The following EFCAB5 variants were observed in gnomAD, a reference collection of about 807,000 sequenced individuals.
The protein encoded by EFCAB5 is EF-hand calcium-binding domain-containing protein 5.
A neutral mutation model predicts 167.9 loss-of-function variants in EFCAB5; 131 were observed. The observed-to-expected ratio is 0.78, with a 90% CI of 0.68 to 0.90. EFCAB5 has a LOEUF of 0.90. Among genes scored for constraint, EFCAB5 ranks in the 40% least tolerant of loss-of-function variants. The pLI is 0.00. For synonymous variants in EFCAB5, 574 were observed against 602.8 expected, an observed-to-expected ratio of 0.95 and a Z score of 0.70; for missense variants, 1,663 against 1,745.2, an observed-to-expected ratio of 0.95 and a Z score of 0.84.
chr17:30,087,238 C>G (rs2071107382), intron 19 of EFCAB5, 72 bp downstream of exon 19: 2 of 1,212,874 alleles, frequency 1.6e-6, no homozygotes, highest in East Asian at 4.7e-5. Flanking sequence ...CTGAAAGACA[C>G]AGCTTCTGAC....
chr17:29,962,045 A>C (rs182655964), intron 3 of EFCAB5, among the ~76,000 whole-genome samples: 119 of 152,274 alleles, frequency 7.8e-4, no homozygotes, highest in Non-Finnish European at 1.5e-3. Flanking sequence ...TTATTAGTCT[A>C]TATGTCTGTC....
At position 30,107,947 on chromosome 17, in the gene EFCAB5, A is replaced by T; in HGVS notation, c.4435A>T (p.Ile1479Phe). 1 of 1,612,096 alleles carries T rather than the reference A, an allele frequency of 6.2e-7. No homozygotes were observed. The highest frequency in any genetic ancestry group is 8.5e-7 in the Non-Finnish European group (1 of 1,179,482). The change falls in exon 23 of 23, where the codon ATT becomes TTT. Residue 1479 changes from isoleucine (I) to phenylalanine (F), a missense_variant. Physicochemically the swap from Ile to Phe is conservative, Grantham distance 21. Coordinates refer to ENST00000394835, the MANE Select transcript of EFCAB5 (RefSeq NM_198529.4). ...GATAACCAAACAACTAAATAGTGGTATTACACCTCCGTTGCCCTCCAAGAC... is the reference window on the plus strand; with the variant it reads ...GATAACCAAACAACTAAATAGTGGTTTTACACCTCCGTTGCCCTCCAAGAC... ...MKITKQLNSG[I>F]TPPLPSKTDN...
rs750162067 is a variant in EFCAB5 at position 30,053,552 on chromosome 17, C to T, written c.1598C>T (p.Thr533Ile). 1.9e-6 allele frequency: 3 copies of T among 1,613,860 alleles called. No homozygotes were observed. Among genetic ancestry groups the T allele is most frequent in the South Asian group, 1.1e-5 (1 of 91,090 alleles). ...GAACAACAACAAGGCAAAAAGCCAA[C>T]TGCAGAGCAAGAACTGTACATAGAA... ...IEEQQQGKKP[T>I]AEQELYIESV... The change falls in exon 10 of 23, where the codon ACT becomes ATT. Residue 533 changes from threonine (T) to isoleucine (I), a missense_variant. Thr to Ile is a moderately conservative substitution (Grantham distance 89). Coordinates refer to ENST00000394835, the MANE Select transcript of EFCAB5 (RefSeq NM_198529.4).
intron 15 of EFCAB5, among the ~76,000 whole-genome samples, chr17:30,079,377 G>A (rs933123996): frequency 2.6e-5 from 4 of 152,112 alleles, no homozygotes; most frequent in African/African-American, 4.8e-5. Context: ...AAAGGGCATG[G>A]AAAGCAAACC....
chr17:30,054,639 T>C (rs914745523), intron 10 of EFCAB5, among the ~76,000 whole-genome samples: 4 of 152,234 alleles, frequency 2.6e-5, no homozygotes, highest in African/African-American at 9.6e-5. Flanking sequence ...AATTTAGGCA[T>C]ACAGTAGTTC....
intron 7 of EFCAB5, among the ~76,000 whole-genome samples, chr17:30,008,001 G>T (rs2068808478): frequency 2.0e-5 from 3 of 151,934 alleles, no homozygotes; most frequent in Non-Finnish European, 4.4e-5. Flanking sequence ...AAAACGAAAA[G>T]CTGCGTCATT....
chr17:29,976,079 AT>A lies in EFCAB5; in HGVS notation c.767+6715del, dbSNP rs1257429371. On this transcript the variant is annotated intron_variant, in intron 4 of 22. Transcript: ENST00000394835. Reference sequence around the variant, plus strand: ...AATAAATTAGACTGTATTTAGATCTATTTCCACTAAAAATACTTACAATCTG... The same window carrying A: ...AATAAATTAGACTGTATTTAGATCTATTCCACTAAAAATACTTACAATCTG... Among the ~76,000 whole-genome samples the A allele has an allele frequency of 6.6e-5, 10 of 152,308 alleles. 1 individual carries two copies. In the South Asian group the frequency reaches 2.1e-3, roughly 32 times the overall value.
intron 8 of EFCAB5, among the ~76,000 whole-genome samples, chr17:30,039,854 C>G (rs759924780): frequency 1.3e-5 from 2 of 152,216 alleles, no homozygotes; most frequent in African/African-American, 2.4e-5. Flanking sequence ...TCTCCCTTCT[C>G]CACCTCCTAC....
chr17:30,097,710 G>C (rs1299063396), intron 22 of EFCAB5, among the ~76,000 whole-genome samples: 2 of 152,174 alleles, frequency 1.3e-5, no homozygotes. Context: ...ATTATACACA[G>C]CTGAGGATTG....
chr17:29,982,101 C>G (rs774592665), intron 4 of EFCAB5, among the ~76,000 whole-genome samples: 16 of 152,150 alleles, frequency 1.1e-4, no homozygotes, highest in African/African-American at 3.1e-4. Flanking sequence ...GAATACTCAT[C>G]ATGGGACTAA....
At chr17:29,982,312 G>T (rs1415626139) in intron 4 of EFCAB5, among the ~76,000 whole-genome samples, 1 of 152,018 alleles carries the variant, frequency 6.6e-6, no homozygotes, top group Admixed American at 6.6e-5. Context: ...CAGAAGAATC[G>T]CTTGAACCTG....
At chr17:30,027,417 C>G (rs2069359817) in intron 7 of EFCAB5, among the ~76,000 whole-genome samples, 1 of 148,876 alleles carries the variant, frequency 6.7e-6, no homozygotes, top group Admixed American at 6.8e-5. Context: ...AATATGAACT[C>G]TCTTTATACT....
Position 30,015,558 on chromosome 17 carries a change from T to C in EFCAB5, c.1044+15582T>C, listed in dbSNP as rs1257659277. On this transcript the variant is annotated intron_variant, in intron 7 of 22. Transcript: ENST00000394835. ...ACTGTTTTCTACTGTAGTTGCACCA[T>C]TTTACATTCCCACCAGCGGTTTACA... Among the ~76,000 whole-genome samples, 3 of 152,196 alleles carry C rather than the reference T, an allele frequency of 2.0e-5. No individual in the cohort carries two copies. In the East Asian group the frequency reaches 5.8e-4, roughly 29 times the overall value.
intron 7 of EFCAB5, among the ~76,000 whole-genome samples, chr17:30,019,451 T>C (rs1374804661): frequency 1.3e-5 from 2 of 151,194 alleles, no homozygotes; most frequent in African/African-American, 4.8e-5. Context: ...CTCTCTCTTT[T>C]TTTTTTTTTT....
chr17:30,068,972 G>A lies in EFCAB5; in HGVS notation c.2738-9243G>A, dbSNP rs2070654218. ...TGTTCAGAAGCAATTCAACAACTAC[G>A]AACAGAAGCTCACAAGGAGATACAT... is the stretch of plus-strand genomic sequence containing the variant. On this transcript the variant is annotated intron_variant, in intron 14 of 22. Coordinates refer to ENST00000394835, the MANE Select transcript of EFCAB5 (RefSeq NM_198529.4). The A allele has an allele frequency of 2.0e-6, 3 of 1,489,820 alleles. No homozygotes were observed. The South Asian group carries it at 3.4e-5, about 17-fold the overall frequency. 92.3% of individuals were successfully genotyped at this position (1,489,820 alleles called of 1,614,324 possible).
intron 14 of EFCAB5, among the ~76,000 whole-genome samples, chr17:30,073,460 T>A (rs2070795959): frequency 6.6e-6 from 1 of 152,206 alleles, no homozygotes; most frequent in Non-Finnish European, 1.5e-5. Context: ...ATATTTTACC[T>A]CACTTTTTAA....
intron 8 of EFCAB5, among the ~76,000 whole-genome samples, chr17:30,047,965 G>A (rs1211135325): frequency 6.6e-6 from 1 of 152,168 alleles, no homozygotes; most frequent in Admixed American, 6.5e-5. Context: ...TACTCAAAGG[G>A]CCTGTAGCCA....
chr17:30,024,338 A>G (rs895527864), intron 7 of EFCAB5, among the ~76,000 whole-genome samples: 3 of 152,232 alleles, frequency 2.0e-5, no homozygotes, highest in African/African-American at 7.2e-5. Context: ...GCGAAGTCTC[A>G]GGATACAAAA....
chr17:29,993,083 G>A (rs1202201853), intron 4 of EFCAB5, 82 bp from the exon 5 acceptor site: 6 of 1,331,596 alleles, frequency 4.5e-6, no homozygotes, highest in African/African-American at 3.0e-5. Context: ...CATTTTCAAA[G>A]AGAGTCTGAA....
Sources: allele counts gnomAD v4.1 joint callset (sites outside exome capture counted in the v4.1 genomes callset), GRCh38; gene constraint gnomAD v4.1.1; transcripts MANE v1.5; gene names NCBI Gene and HGNC (gene_info 2026-07-23, HGNC 2026-07-21).